Variants in PCMTD1 observed in about 807,000 individuals in gnomAD.
PCMTD1 encodes protein-L-isoaspartate O-methyltransferase domain-containing protein 1.
Under a neutral mutation model 37.6 loss-of-function variants are expected in PCMTD1, and 12 were observed. The ratio of observed to expected loss-of-function variants is 0.32; its 90% CI spans 0.20 to 0.52. The LOEUF is 0.52. PCMTD1 is among the 20% of genes least tolerant of loss of function. PCMTD1 has a pLI of 0.97. For missense variants in PCMTD1, 235 were observed against 421.3 expected, an observed-to-expected ratio of 0.56 and a Z score of 3.87; for synonymous variants, 117 against 135.8, an observed-to-expected ratio of 0.86 and a Z score of 0.96.
chr8:51,868,465 C>A lies in PCMTD1; in HGVS notation c.-95-7219G>T, dbSNP rs540849810. 1.5e-3 allele frequency among the ~76,000 whole-genome samples: 231 copies of A among 152,184 alleles called. 1 individual carries two copies. The highest frequency in any genetic ancestry group is 3.7e-3 in the Admixed American group (57 of 15,268). On this transcript the variant is annotated intron_variant, in intron 1 of 5. Coordinates refer to ENST00000522514, the MANE Select transcript of PCMTD1 (RefSeq NM_052937.4). ...AGGCTGGGGGTGAAAACAGGTGAAG[C>A]CAGGGACTGCTATGCTTTGGCATCA...
chr8:51,876,988 A>G (rs1417692641), intron 1 of PCMTD1, among the ~76,000 whole-genome samples: 2 of 152,214 alleles, frequency 1.3e-5, no homozygotes, highest in Admixed American at 1.3e-4. Flanking sequence ...TTAATAAAGG[A>G]ACAAAATAGT....
chr8:51,884,758 C>T (rs1267278508), intron 1 of PCMTD1, among the ~76,000 whole-genome samples: 3 of 152,164 alleles, frequency 2.0e-5, no homozygotes, highest in African/African-American at 7.2e-5. Context: ...TAGCAAAATG[C>T]CTCTCTATGA....
chr8:51,845,460 CATTA>C lies in PCMTD1; in HGVS notation c.410+197_410+200del, dbSNP rs140624813. ...ATAAAGTTGTAGTAGCAAAAAATCA[CATTA>C]TTTATAATTTACTATAGAATTACAT... On this transcript the variant is annotated intron_variant, in intron 3 of 5. Transcript: ENST00000522514. 5.3e-3 allele frequency: 2,194 copies of C among 410,974 alleles called. 8 individuals carry two copies. Among genetic ancestry groups the C allele is most frequent in the Non-Finnish European group, 7.8e-3 (1,797 of 229,352 alleles). 25.5% of individuals were successfully genotyped at this position (410,974 alleles called of 1,614,324 possible). A position where few individuals can be genotyped will look rare whatever the true frequency, so the allele number is the denominator to read the frequency against.
At chr8:51,876,697 CCTCT>C (rs2038717633) in intron 1 of PCMTD1, among the ~76,000 whole-genome samples, 1 of 152,138 alleles carries the variant, frequency 6.6e-6, no homozygotes, top group Non-Finnish European at 1.5e-5. Context: ...CTTGAAGAGT[CCTCT>C]GTTGGCCAAA....
intron 3 of PCMTD1, 40 bp downstream of exon 3, chr8:51,845,621 T>G: frequency 7.3e-7 from 1 of 1,367,816 alleles, no homozygotes; most frequent in Non-Finnish European, 1.0e-6. Flanking sequence ...ATGTATCTAT[T>G]AAGTGATTTT....
chr8:51,817,780 T>C lies in PCMTD1; in HGVS notation c.*2571A>G, dbSNP rs2037779884. ...CAAATATATTGACCAATAAGCAGTA[T>C]AGATTTAAATTATCTTCTTGGGTTG... On this transcript the variant is annotated 3_prime_UTR_variant, in exon 6 of 6. Coordinates refer to ENST00000522514, the MANE Select transcript of PCMTD1 (RefSeq NM_052937.4). 6.6e-6 allele frequency: 3 copies of C among 455,484 alleles called. No individual in the cohort carries two copies. Among genetic ancestry groups the C allele is most frequent in the African/African-American group, 2.0e-5 (1 of 50,036 alleles). 28.2% of individuals were successfully genotyped at this position (455,484 alleles called of 1,614,324 possible). A position where few individuals can be genotyped will look rare whatever the true frequency, so the allele number is the denominator to read the frequency against.
intron 1 of PCMTD1, among the ~76,000 whole-genome samples, chr8:51,882,229 G>A (rs1441062635): frequency 6.6e-6 from 1 of 152,160 alleles, no homozygotes; most frequent in African/African-American, 2.4e-5. Context: ...GTTCTCACAT[G>A]ACCTCTTCTT....
intron 1 of PCMTD1, among the ~76,000 whole-genome samples, chr8:51,884,064 T>A (rs570607140): frequency 6.6e-6 from 1 of 152,298 alleles, no homozygotes; most frequent in South Asian, 2.1e-4. Flanking sequence ...TTTCAATACA[T>A]CCTAAAATAA....
intron 1 of PCMTD1, among the ~76,000 whole-genome samples, chr8:51,893,214 G>A (rs1257754517): frequency 3.3e-5 from 5 of 151,926 alleles, no homozygotes; most frequent in African/African-American, 1.2e-4. Context: ...ATTCTTAACA[G>A]AATTATATTT....
At chr8:51,884,877 C>A (rs1381639817) in intron 1 of PCMTD1, among the ~76,000 whole-genome samples, 1 of 152,182 alleles carries the variant, frequency 6.6e-6, no homozygotes, top group Non-Finnish European at 1.5e-5. Flanking sequence ...TGTTCTCAGC[C>A]TGGGATGGGC....
In PCMTD1 at chr8:51,819,660, T is replaced by C. The variant is rs1022309541; in HGVS notation, c.*691A>G. 2 of 152,682 alleles carry C rather than the reference T, an allele frequency of 1.3e-5. No homozygotes were observed. The highest frequency in any genetic ancestry group is 4.8e-5 in the African/African-American group (2 of 41,454). The allele number at this position is 152,682 out of a possible 1,614,324, so 9.5% of individuals were successfully genotyped here. On this transcript the variant is annotated 3_prime_UTR_variant, in exon 6 of 6. Coordinates refer to ENST00000522514, the MANE Select transcript of PCMTD1 (RefSeq NM_052937.4). ...TCCATATAAAGAGTTGTATTAAGTA[T>C]AGACTTTGTTTTAATAATTCACTTG...
rs138375159 is a variant in PCMTD1, at chr8:51,819,594, TAAGATAACCTC to T, written c.*746_*756del. 76,888 of 152,034 alleles carry T rather than the reference TAAGATAACCTC, an allele frequency of 0.51. 23,503 individuals carry two copies. The highest frequency in any genetic ancestry group is 0.67 in the Non-Finnish European group (45,555 of 67,656). The allele number at this position is 152,034 out of a possible 1,614,324, so 9.4% of individuals were successfully genotyped here. ...ATATACTTTTAAAATTCTATAGAGT[TAAGATAACCTC>T]ATTTTTTTAAATACTGAAAATGTAA... is the stretch of plus-strand genomic sequence containing the variant. On this transcript the variant is annotated 3_prime_UTR_variant, in exon 6 of 6. Transcript: ENST00000522514.
At chr8:51,843,283 T>A (rs1025279075) in intron 3 of PCMTD1, among the ~76,000 whole-genome samples, 2 of 152,090 alleles carry the variant, frequency 1.3e-5, no homozygotes, top group African/African-American at 4.8e-5. Context: ...AGCTACTTTA[T>A]AATCTGCAAT....
intron 1 of PCMTD1, among the ~76,000 whole-genome samples, chr8:51,897,960 AACTACCC>A (rs1190696942): frequency 6.6e-6 from 1 of 152,098 alleles, no homozygotes; most frequent in Non-Finnish European, 1.5e-5. Flanking sequence ...AATCCTGAAT[AACTACCC>A]ACCACACTTG....
chr8:51,859,568 A>C (rs1448511811), intron 2 of PCMTD1, among the ~76,000 whole-genome samples: 2 of 152,182 alleles, frequency 1.3e-5, no homozygotes, highest in Non-Finnish European at 2.9e-5. Context: ...CATGACTAAT[A>C]GAGTAAGGAA....
intron 1 of PCMTD1, among the ~76,000 whole-genome samples, chr8:51,868,412 ATATGTGT>A (rs1483407878): frequency 1.3e-5 from 2 of 152,168 alleles, no homozygotes; most frequent in Admixed American, 6.6e-5. Flanking sequence ...CAAAATGGCT[ATATGTGT>A]TAAGTTCCTT....
intron 2 of PCMTD1, chr8:51,848,802 CATTT>C (rs1331439455): frequency 6.6e-6 from 1 of 151,936 alleles, no homozygotes; most frequent in Non-Finnish European, 1.5e-5. Flanking sequence ...TTGTAAACAC[CATTT>C]ATGATTTTTT....
intron 2 of PCMTD1, chr8:51,850,117 G>A (rs1484594268): frequency 1.4e-6 from 1 of 701,930 alleles, no homozygotes; most frequent in Non-Finnish European, 2.6e-6. Context: ...GTAGATTAAA[G>A]GTCAGATGTC....
intron 1 of PCMTD1, among the ~76,000 whole-genome samples, chr8:51,891,815 C>T (rs1386708841): frequency 2.0e-5 from 3 of 151,618 alleles, no homozygotes; most frequent in African/African-American, 7.3e-5. Context: ...TATTTACAGC[C>T]CCCTTGGATC....
Sources: gnomAD v4.1 joint callset for allele counts (sites outside exome capture counted in the v4.1 genomes callset) on GRCh38, gnomAD v4.1.1 for gene constraint, MANE v1.5 for transcripts, NCBI Gene and HGNC (gene_info 2026-07-23, HGNC 2026-07-21) for gene names.